SHISA9: variants seen among roughly 807,000 people sequenced by gnomAD.
The protein encoded by SHISA9 is protein shisa-9.
SHISA9 carries 13 observed loss-of-function variants against 38.0 expected under a neutral mutation model. That is an observed-to-expected ratio of 0.34 (90% CI 0.22 to 0.54). The LOEUF (loss-of-function observed/expected upper bound fraction) is 0.54, where lower values mean the gene tolerates loss of function less well. SHISA9 is among the 20% of genes least tolerant of loss of function. SHISA9 has a pLI of 0.91. For synonymous variants in SHISA9, 275 were observed against 242.0 expected, an observed-to-expected ratio of 1.14 and a Z score of -1.27; for missense variants, 538 against 575.8, an observed-to-expected ratio of 0.93 and a Z score of 0.67.
the SHISA9 span, among the ~76,000 whole-genome samples, chr16:13,264,153 G>A: frequency 6.6e-6 from 1 of 151,196 alleles, no homozygotes. Context: ...GTTAGGGAGG[G>A]AGACATTGTT....
At chr16:13,526,705 A>G in the SHISA9 span, among the ~76,000 whole-genome samples, 3 of 152,032 alleles carry the variant, frequency 2.0e-5, no homozygotes, top group Non-Finnish European at 4.4e-5. Flanking sequence ...TTTTAAATCT[A>G]TGGTTCTCCC....
At chr16:13,131,412 A>G (rs529064147) in intron 2 of SHISA9, among the ~76,000 whole-genome samples, 2 of 152,266 alleles carry the variant, frequency 1.3e-5, no homozygotes, top group African/African-American at 4.8e-5. Flanking sequence ...GAGTTGACCA[A>G]TAAGAACACA....
chr16:12,919,876 T>A (rs2071305594), intron 2 of SHISA9, among the ~76,000 whole-genome samples: 1 of 152,220 alleles, frequency 6.6e-6, no homozygotes, highest in Non-Finnish European at 1.5e-5. Context: ...TAGTTTCCTG[T>A]GAGATGGTGA....
At chr16:13,069,056 T>C (rs1232885080) in intron 2 of SHISA9, among the ~76,000 whole-genome samples, 17 of 152,144 alleles carry the variant, frequency 1.1e-4, no homozygotes, top group Admixed American at 1.0e-3. Context: ...ATGCAATGTG[T>C]ATATGTATGT....
chr16:13,173,723 G>A (rs2050708401), intron 2 of SHISA9, among the ~76,000 whole-genome samples: 1 of 152,108 alleles, frequency 6.6e-6, no homozygotes, highest in Non-Finnish European at 1.5e-5. Flanking sequence ...GATGTCAATT[G>A]TGCCGAGATT....
intron 2 of SHISA9, among the ~76,000 whole-genome samples, chr16:13,040,196 T>C (rs2141887208): frequency 6.6e-6 from 1 of 152,330 alleles, no homozygotes; most frequent in East Asian, 1.9e-4. Flanking sequence ...CAAACTCCTC[T>C]CTGTGCCCTG....
the SHISA9 span, among the ~76,000 whole-genome samples, chr16:13,507,278 C>T: frequency 6.6e-6 from 1 of 152,040 alleles, no homozygotes; most frequent in African/African-American, 2.4e-5. Context: ...AAGTCAAGGT[C>T]ATCCCAAATG....
At chr16:13,556,431 C>T in the SHISA9 span, among the ~76,000 whole-genome samples, 14 of 152,168 alleles carry the variant, frequency 9.2e-5, no homozygotes, top group East Asian at 7.7e-4. Context: ...GAGGCCGAGG[C>T]GGGCGGATCA....
chr16:13,071,103 T>G (rs1351643642), intron 2 of SHISA9, among the ~76,000 whole-genome samples: 1 of 151,918 alleles, frequency 6.6e-6, no homozygotes, highest in Non-Finnish European at 1.5e-5. Flanking sequence ...AAATGGATGG[T>G]GTGATGTTTG....
chr16:13,073,957 G>GTTTTTTT (rs11442270), intron 2 of SHISA9, among the ~76,000 whole-genome samples: 2 of 103,858 alleles, frequency 1.9e-5, no homozygotes, highest in Non-Finnish European at 4.2e-5. Context: ...TCTGCTGGTC[G>GTTTTTTT]TTTTTTTTTT....
intron 3 of SHISA9, among the ~76,000 whole-genome samples, chr16:13,212,863 T>C (rs1461858712): frequency 6.6e-6 from 1 of 152,198 alleles, no homozygotes; most frequent in Non-Finnish European, 1.5e-5. Flanking sequence ...CTATCTCTTG[T>C]CATCAGAGTG....
At chr16:13,297,275 C>T in the SHISA9 span, among the ~76,000 whole-genome samples, 1 of 152,110 alleles carries the variant, frequency 6.6e-6, no homozygotes, top group African/African-American at 2.4e-5. Context: ...CATATTATTA[C>T]CTTAGGCTAT....
At chr16:13,344,074 G>C in the SHISA9 span, among the ~76,000 whole-genome samples, 1 of 152,118 alleles carries the variant, frequency 6.6e-6, no homozygotes, top group East Asian at 1.9e-4. Flanking sequence ...AACCCATGAC[G>C]GTCTGTTGGC....
chr16:13,424,152 G>A, the SHISA9 span, among the ~76,000 whole-genome samples: 1 of 152,230 alleles, frequency 6.6e-6, no homozygotes, highest in East Asian at 1.9e-4. Context: ...GAATTGTGGA[G>A]GGTCTCTTAG....
At chr16:13,486,659 CA>C in the SHISA9 span, among the ~76,000 whole-genome samples, 2 of 152,142 alleles carry the variant, frequency 1.3e-5, no homozygotes, top group Non-Finnish European at 2.9e-5. Context: ...CCTAGCATAG[CA>C]AATGCTTAGT....
intron 2 of SHISA9, among the ~76,000 whole-genome samples, chr16:13,181,956 C>T (rs12930725): frequency 2.0e-5 from 3 of 151,966 alleles, no homozygotes; most frequent in Admixed American, 6.6e-5. Context: ...TTGTTCCATG[C>T]GAGCAATAAG....
the SHISA9 span, among the ~76,000 whole-genome samples, chr16:13,510,069 G>T: frequency 9.9e-5 from 15 of 152,166 alleles, no homozygotes; most frequent in African/African-American, 3.6e-4. Context: ...ACTTTGGGAG[G>T]CCGAGGTGGG....
intron 2 of SHISA9, among the ~76,000 whole-genome samples, chr16:13,074,290 C>G (rs575954526): frequency 6.6e-6 from 1 of 151,800 alleles, no homozygotes. Flanking sequence ...TTTTAAAGCA[C>G]ACAGTTTGTA....
Position 13,235,464 on chromosome 16 carries a change from A to G in SHISA9, c.*55A>G, listed in dbSNP as rs949692146. ...CACACTCAACTGAGAGAGGCAAAAA[A>G]CAACCCCGCCCACACCCTCCCCATC... On this transcript the variant is annotated 3_prime_UTR_variant, in exon 5 of 5. Transcript: ENST00000558583. 13 of 1,479,652 alleles carry G rather than the reference A, an allele frequency of 8.8e-6. No individual in the cohort carries two copies. Among genetic ancestry groups the G allele is most frequent in the South Asian group, 5.4e-5 (4 of 74,042 alleles). The allele number at this position is 1,479,652 out of a possible 1,614,324, so 91.7% of individuals were successfully genotyped here. A position where few individuals can be genotyped will look rare whatever the true frequency, so the allele number is the denominator to read the frequency against.
Sources: gnomAD v4.1 joint callset for allele counts (sites outside exome capture counted in the v4.1 genomes callset) on GRCh38, gnomAD v4.1.1 for gene constraint, MANE v1.5 for transcripts, NCBI Gene and HGNC (gene_info 2026-07-23, HGNC 2026-07-21) for gene names.